ABI1: variants seen among roughly 807,000 people sequenced by gnomAD.
The protein encoded by ABI1 is abl interactor 1, also known as Abelson interactor 1.
ABI1 carries 14 observed loss-of-function variants against 54.6 expected under a neutral mutation model. The observed-to-expected ratio is 0.26, with a 90% CI of 0.17 to 0.40. The LOEUF (loss-of-function observed/expected upper bound fraction) is 0.40, where lower values mean the gene tolerates loss of function less well. ABI1 is among the 10% of genes least tolerant of loss of function. ABI1 has a pLI of 1.00. For missense variants in ABI1, 443 were observed against 598.3 expected (o/e 0.74, Z 2.71); for synonymous variants, 194 against 209.3 (o/e 0.93, Z 0.63).
At chr10:26,782,983 A>G (rs1381521581) in intron 2 of ABI1, among the ~76,000 whole-genome samples, 1 of 152,230 alleles carries the variant, frequency 6.6e-6, no homozygotes, top group Non-Finnish European at 1.5e-5. Context: ...TTATAGGTAT[A>G]TACTCAAAAG....
At chr10:26,771,457 A>G (rs1840678164) in intron 3 of ABI1, among the ~76,000 whole-genome samples, 1 of 152,202 alleles carries the variant, frequency 6.6e-6, no homozygotes, top group African/African-American at 2.4e-5. Context: ...ATGTGAAGCT[A>G]TTTTAACATA....
chr10:26,765,171 C>T, intron 7 of ABI1, 47 bp downstream of exon 7: 1 of 1,306,576 alleles, frequency 7.7e-7, no homozygotes, highest in Non-Finnish European at 1.1e-6. Flanking sequence ...CACAATAAAG[C>T]TCATAAATAT....
intron 2 of ABI1, among the ~76,000 whole-genome samples, chr10:26,796,931 T>C (rs1844255931): frequency 6.6e-6 from 1 of 152,154 alleles, no homozygotes; most frequent in African/African-American, 2.4e-5. Context: ...CAATAGGGTT[T>C]GCGCTCCTGT....
chr10:26,770,967 A>C, intron 4 of ABI1, 108 bp downstream of exon 4: 1 of 1,115,354 alleles, frequency 9.0e-7, no homozygotes, highest in Non-Finnish European at 1.4e-6. Flanking sequence ...TAAATCCTAC[A>C]GGGAAAAGCA....
At chr10:26,821,555 T>C (rs986833374) in intron 2 of ABI1, among the ~76,000 whole-genome samples, 2 of 152,108 alleles carry the variant, frequency 1.3e-5, no homozygotes, top group East Asian at 1.9e-4. Context: ...CCCAACACTT[T>C]GGGAGGCCAA....
intron 10 of ABI1, among the ~76,000 whole-genome samples, chr10:26,750,566 G>A (rs1284407911): frequency 6.6e-6 from 1 of 152,164 alleles, no homozygotes; most frequent in Admixed American, 6.5e-5. Flanking sequence ...AGGAAAGAAT[G>A]CTGCTGGTCT....
At chr10:26,827,702 C>G (rs1039613082) in intron 1 of ABI1, among the ~76,000 whole-genome samples, 9 of 151,186 alleles carry the variant, frequency 6.0e-5, no homozygotes, top group African/African-American at 1.9e-4. Context: ...AAGCAATTCT[C>G]CTGCCTCAGC....
At chr10:26,784,403 G>A (rs1179005845) in intron 2 of ABI1, among the ~76,000 whole-genome samples, 1 of 152,166 alleles carries the variant, frequency 6.6e-6, no homozygotes, top group Admixed American at 6.5e-5. Flanking sequence ...ACTGCCTTCA[G>A]GCCATCTCTC....
chr10:26,773,746 A>G (rs1841036681), intron 3 of ABI1, among the ~76,000 whole-genome samples: 1 of 152,124 alleles, frequency 6.6e-6, no homozygotes. Context: ...ACTAACCTCT[A>G]ACTAGGAACT....
rs1206427319 is a variant in ABI1, at chr10:26,746,690, T to C, written c.*1880A>G. On this transcript the variant is annotated 3_prime_UTR_variant, in exon 11 of 11. Coordinates refer to ENST00000376140, the MANE Select transcript of ABI1 (RefSeq NM_001012750.3). The stretch of plus-strand genomic sequence containing the variant: ...CCACCTGAATCTGTCATTCTAGTCC[T>C]ATAAATTATAATCAAGGTATCTTGA... The C allele has an allele frequency of 5.6e-6, 3 of 535,972 alleles. No homozygotes were observed. Among genetic ancestry groups the C allele is most frequent in the Non-Finnish European group, 1.0e-5 (3 of 299,062 alleles). The allele number at this position is 535,972 out of a possible 1,614,324, so 33.2% of individuals were successfully genotyped here. A position where few individuals can be genotyped will look rare whatever the true frequency, so the allele number is the denominator to read the frequency against.
intron 2 of ABI1, among the ~76,000 whole-genome samples, chr10:26,778,224 TA>T (rs1011358808): frequency 2.0e-5 from 3 of 152,198 alleles, no homozygotes; most frequent in Admixed American, 6.5e-5. Flanking sequence ...TTTTTAAAAA[TA>T]TTTTTTTAAT....
chr10:26,792,490 C>T (rs1299398882), intron 2 of ABI1, among the ~76,000 whole-genome samples: 3 of 151,982 alleles, frequency 2.0e-5, no homozygotes, highest in African/African-American at 4.8e-5. Flanking sequence ...ACACCTTCTC[C>T]GAGATGAGAG....
chr10:26,780,324 C>T (rs895569795), intron 2 of ABI1, among the ~76,000 whole-genome samples: 5 of 152,120 alleles, frequency 3.3e-5, no homozygotes, highest in Admixed American at 6.5e-5. Flanking sequence ...AATTCTTGCA[C>T]TCAAGCAATC....
At chr10:26,795,596 T>A (rs1013017155) in intron 2 of ABI1, among the ~76,000 whole-genome samples, 1 of 151,984 alleles carries the variant, frequency 6.6e-6, no homozygotes, top group African/African-American at 2.4e-5. Context: ...CAGTAACATT[T>A]CTACACACAA....
chr10:26,800,139 T>G (rs1300900197), intron 2 of ABI1, among the ~76,000 whole-genome samples: 1 of 152,118 alleles, frequency 6.6e-6, no homozygotes, highest in Non-Finnish European at 1.5e-5. Flanking sequence ...ATCCCAACAC[T>G]TTGGGAGGCC....
At chr10:26,777,420 G>A (rs1018117473) in intron 2 of ABI1, among the ~76,000 whole-genome samples, 179 bp from the exon 3 acceptor site, 3 of 152,184 alleles carry the variant, frequency 2.0e-5, no homozygotes, top group African/African-American at 7.2e-5. Context: ...GTGGTTTAAA[G>A]CACCAACTAA....
chr10:26,768,985 T>C lies in ABI1; in HGVS notation c.586A>G (p.Thr196Ala), dbSNP rs1323129806. The C allele has an allele frequency of 1.2e-6, 2 of 1,608,300 alleles. No individual in the cohort carries two copies. The highest frequency in any genetic ancestry group is 1.3e-5 in the African/African-American group (1 of 74,550). Residue 196 changes from threonine (T) to alanine (A), a missense_variant, in exon 6 of 11, where the codon ACT becomes GCT. By Grantham distance (58) the Thr-to-Ala change is moderately conservative. This residue lies in a region of ABI1 where 394 missense variants were observed against 484.8 expected (regional missense o/e 0.81). Coordinates refer to ENST00000376140, the MANE Select transcript of ABI1 (RefSeq NM_001012750.3). ...MSGRGTLGRN[T>A]PYKTLEPVKP... ...ACAGGTTCCAGGGTTTTATAAGGAGTATTCCGTCTAAAGGAGCATAGTGGA... is the reference window on the plus strand; with the variant it reads ...ACAGGTTCCAGGGTTTTATAAGGAGCATTCCGTCTAAAGGAGCATAGTGGA...
At chr10:26,853,025 C>A (rs553225679) in intron 1 of ABI1, among the ~76,000 whole-genome samples, 3 of 152,178 alleles carry the variant, frequency 2.0e-5, no homozygotes, top group Admixed American at 2.0e-4. Context: ...ATTAGTAGAT[C>A]CAAAGTTAAA....
At chr10:26,834,680 C>T (rs1267594229) in intron 1 of ABI1, among the ~76,000 whole-genome samples, 1 of 151,804 alleles carries the variant, frequency 6.6e-6, no homozygotes, top group Middle Eastern at 3.4e-3. Context: ...AACCACAATG[C>T]AACAGACCAG....
Sources: allele counts gnomAD v4.1 joint callset (sites outside exome capture counted in the v4.1 genomes callset), GRCh38; gene constraint gnomAD v4.1.1; regional missense constraint gnomAD v4.1.1; transcripts MANE v1.5; gene names NCBI Gene and HGNC (gene_info 2026-07-23, HGNC 2026-07-21).